ASS1: variants seen among roughly 807,000 people sequenced by gnomAD.
ASS1 encodes the protein argininosuccinate synthase 1.
In ASS1, 58 loss-of-function variants were observed where a neutral mutation model predicts 60.5. The ratio of observed to expected loss-of-function variants is 0.96; its 90% CI spans 0.78 to 1.19. The LOEUF is 1.19. Among genes scored for constraint, ASS1 ranks in the 50% most tolerant of loss-of-function variants. The probability of loss-of-function intolerance (pLI) is 0.00; values close to 1 mark genes in which losing one functional copy is unlikely to be tolerated. For synonymous variants in ASS1, 200 were observed against 206.9 expected (o/e 0.97, Z 0.29); for missense variants, 454 against 547.3 (o/e 0.83, Z 1.70).
chr9:130,460,633 T>G (rs1845567032), intron 4 of ASS1, among the ~76,000 whole-genome samples: 1 of 152,108 alleles, frequency 6.6e-6, no homozygotes, highest in South Asian at 2.1e-4. Flanking sequence ...GGACAGTCTG[T>G]CTGGGGCTGT....
intron 11 of ASS1, 69 bp downstream of exon 11, chr9:130,480,518 G>C (rs1342061103): frequency 1.3e-6 from 2 of 1,537,734 alleles, no homozygotes; most frequent in Non-Finnish European, 1.8e-6. Context: ...CTGAGACCCT[G>C]TCCCCTTTGG....
At chr9:130,471,895 G>T (rs1845875201) in intron 8 of ASS1, among the ~76,000 whole-genome samples, 1 of 152,216 alleles carries the variant, frequency 6.6e-6, no homozygotes, top group African/African-American at 2.4e-5. Flanking sequence ...CTGGAGTTTT[G>T]GTTGTGGGGG....
chr9:130,489,602 C>T lies in ASS1; in HGVS notation c.970+138C>T. On this transcript the variant is annotated intron_variant, in intron 12 of 14. Transcript: ENST00000352480. This position sits in a 1 kb window ranked among gnomAD's most constrained non-coding sequence, Gnocchi z 4.1. Reference sequence around the variant, plus strand: ...GCCCACTGCCATCCTCATGTGAGACCCCAAAAGGTGCAGGCCAAAGGGGGT... The same window carrying T: ...GCCCACTGCCATCCTCATGTGAGACTCCAAAAGGTGCAGGCCAAAGGGGGT... 6.9e-7 allele frequency: 1 copy of T among 1,441,796 alleles called. No homozygotes were observed. Among genetic ancestry groups the T allele is most frequent in the Non-Finnish European group, 9.6e-7 (1 of 1,036,330 alleles). 89.3% of individuals were successfully genotyped at this position (1,441,796 alleles called of 1,614,324 possible).
chr9:130,493,867 C>T (rs963231433), intron 12 of ASS1, among the ~76,000 whole-genome samples: 3 of 152,156 alleles, frequency 2.0e-5, no homozygotes, highest in Admixed American at 1.3e-4. Context: ...TTAGGGCTCT[C>T]GGGGAGAGGG....
rs933264885 is a variant in ASS1 at position 130,488,695 on chromosome 9, A to C, written c.839-638A>C. 6.6e-6 allele frequency among the ~76,000 whole-genome samples: 1 copy of C among 152,230 alleles called. No individual in the cohort carries two copies. Among genetic ancestry groups the C allele is most frequent in the Non-Finnish European group, 1.5e-5 (1 of 68,034 alleles). On this transcript the variant is annotated intron_variant, in intron 11 of 14. Coordinates refer to ENST00000352480, the MANE Select transcript of ASS1 (RefSeq NM_054012.4). The surrounding 1 kb of genome is among the most constrained non-coding windows in gnomAD (Gnocchi z 5.2). The stretch of plus-strand genomic sequence containing the variant: ...ACGGCCAGGTGACTTACAGGGCAGC[A>C]GACAGCACTGGTGAGGGACTCGGGG...
rs1477093617 is a variant in ASS1, at chr9:130,476,881, C to T, written c.608C>T (p.Pro203Leu). 1 of 1,613,998 alleles carries T rather than the reference C, an allele frequency of 6.2e-7. No individual in the cohort carries two copies. The highest frequency in any genetic ancestry group is 8.5e-7 in the Non-Finnish European group (1 of 1,180,014). The stretch of plus-strand genomic sequence containing the variant: ...TCTGTCTTTTTTCAGAACCAAGCGC[C>T]TCCAGGTCTCTACACGAAGACCCAG... ...GILENPKNQA[P>L]PGLYTKTQDP... Residue 203 changes from proline (P) to leucine (L), a missense_variant, in exon 9 of 15, where the codon CCT becomes CTT. Physicochemically the swap from Pro to Leu is moderately conservative, Grantham distance 98. Coordinates refer to ENST00000352480, the MANE Select transcript of ASS1 (RefSeq NM_054012.4). This position sits in a 1 kb window ranked among gnomAD's most constrained non-coding sequence, Gnocchi z 4.9.
At chr9:130,467,192 T>G (rs531524082) in intron 6 of ASS1, among the ~76,000 whole-genome samples, 1 of 152,196 alleles carries the variant, frequency 6.6e-6, no homozygotes, top group South Asian at 2.1e-4. Context: ...CGGGGGGATG[T>G]GATCGGGAGC....
intron 3 of ASS1, among the ~76,000 whole-genome samples, chr9:130,457,281 G>T (rs892230824): frequency 6.6e-6 from 1 of 151,966 alleles, no homozygotes; most frequent in Non-Finnish European, 1.5e-5. Context: ...AAGAAAACTG[G>T]GCAACACAGT....
chr9:130,493,411 A>C (rs967514340), intron 12 of ASS1, among the ~76,000 whole-genome samples: 1 of 152,210 alleles, frequency 6.6e-6, no homozygotes, highest in Non-Finnish European at 1.5e-5. Flanking sequence ...AGGCACAGGG[A>C]GGTTAATCAC....
At position 130,494,077 on chromosome 9, in the gene ASS1, C is replaced by G. The variant is rs1408279908; in HGVS notation, c.971-790C>G. On this transcript the variant is annotated intron_variant, in intron 12 of 14. Transcript: ENST00000352480. The surrounding 1 kb of genome is among the most constrained non-coding windows in gnomAD (Gnocchi z 4.3). Reference sequence around the variant, plus strand: ...ACTTCTCTGAGCCTCCCTTCCTCACCCAGAAAGGGGAGAGGCTAAGAGAGT... The same window carrying G: ...ACTTCTCTGAGCCTCCCTTCCTCACGCAGAAAGGGGAGAGGCTAAGAGAGT... 6.6e-6 allele frequency among the ~76,000 whole-genome samples: 1 copy of G among 152,180 alleles called. No homozygotes were observed. Among genetic ancestry groups the G allele is most frequent in the Non-Finnish European group, 1.5e-5 (1 of 68,042 alleles).
At chr9:130,497,130 C>T (rs1372389300) in intron 13 of ASS1, among the ~76,000 whole-genome samples, 6 of 152,212 alleles carry the variant, frequency 3.9e-5, no homozygotes, top group African/African-American at 1.2e-4. Context: ...CTTCCCTCCC[C>T]CTCCAAATCA....
chr9:130,472,657 G>A (rs1845898371), intron 8 of ASS1, among the ~76,000 whole-genome samples: 2 of 152,196 alleles, frequency 1.3e-5, no homozygotes, highest in African/African-American at 2.4e-5. Flanking sequence ...CCCCCTGGGG[G>A]CTGATGGCCC....
chr9:130,495,054 A>G (rs1331679661), intron 13 of ASS1, 31 bp downstream of exon 13: 2 of 1,586,590 alleles, frequency 1.3e-6, no homozygotes, highest in South Asian at 2.3e-5. Flanking sequence ...TCTGACCCCC[A>G]CTTGGGCACA....
chr9:130,498,258 C>T (rs889787771), intron 13 of ASS1, among the ~76,000 whole-genome samples: 2 of 152,180 alleles, frequency 1.3e-5, no homozygotes, highest in Non-Finnish European at 2.9e-5. Context: ...CACCGACCCC[C>T]GCTACCCCTA....
intron 1 of ASS1, among the ~76,000 whole-genome samples, chr9:130,446,566 G>T (rs945998614): frequency 6.6e-6 from 1 of 152,224 alleles, no homozygotes; most frequent in Admixed American, 6.5e-5. Flanking sequence ...TGGCCGGTGC[G>T]GGGGCAGACA....
intron 5 of ASS1, among the ~76,000 whole-genome samples, chr9:130,465,001 A>G (rs916448940): frequency 2.7e-5 from 4 of 147,420 alleles, no homozygotes; most frequent in Non-Finnish European, 4.5e-5. Context: ...AAATATTTTT[A>G]TATAATATGT....
intron 4 of ASS1, among the ~76,000 whole-genome samples, chr9:130,461,058 A>T (rs989263213): frequency 8.5e-5 from 13 of 152,208 alleles, no homozygotes; most frequent in Middle Eastern, 3.4e-3. Context: ...CCTTAATGGA[A>T]AGAGCTGGAT....
intron 11 of ASS1, among the ~76,000 whole-genome samples, chr9:130,483,558 GGGA>G (rs1338004293): frequency 6.6e-6 from 1 of 151,484 alleles, no homozygotes; most frequent in African/African-American, 2.4e-5. Flanking sequence ...GAAATCAGTG[GGGA>G]GGAGAAGGGG....
rs1846071687 is a variant in ASS1, at chr9:130,478,210, G to T, written c.688+1249G>T. 1.3e-5 allele frequency among the ~76,000 whole-genome samples: 2 copies of T among 152,218 alleles called. No homozygotes were observed. The highest frequency in any genetic ancestry group is 2.4e-5 in the African/African-American group (1 of 41,452). On this transcript the variant is annotated intron_variant, in intron 9 of 14. Transcript: ENST00000352480. This position sits in a 1 kb window ranked among gnomAD's most constrained non-coding sequence, Gnocchi z 4.7. ...CCTTCATCTGTCCCAACCTACTGGG[G>T]GGCCAAAGAGGACCCCAAAGGCAGC...
Sources: gnomAD v4.1 joint callset for allele counts (sites outside exome capture counted in the v4.1 genomes callset) on GRCh38, gnomAD v4.1.1 for gene constraint, Gnocchi (gnomAD v3.1) non-coding constraint, MANE v1.5 for transcripts, NCBI Gene and HGNC (gene_info 2026-07-23, HGNC 2026-07-21) for gene names.